Variants in KANTR observed in about 807,000 individuals in gnomAD.
The protein encoded by KANTR is KANTR integral membrane protein, also known as KDM5C adjacent transcript.
intron 2 of KANTR, among the ~76,000 whole-genome samples, chrX:53,114,195 G>A (rs1288062819): frequency 2.7e-5 from 3 of 110,840 alleles, no homozygotes; most frequent in Admixed American, 9.5e-5. Flanking sequence ...GTGAGCCACC[G>A]CACCAGGTTA....
At chrX:53,143,940 G>A (rs893771918), downstream of KANTR, 1 of 324,928 alleles carries the variant, frequency 3.1e-6, no homozygotes, top group Non-Finnish European at 5.7e-6. Flanking sequence ...GCAGGGCGGT[G>A]GAGCCATGGG....
intron 2 of KANTR, among the ~76,000 whole-genome samples, chrX:53,104,373 CA>C (rs1932921770): frequency 1.8e-5 from 2 of 109,883 alleles, no homozygotes; most frequent in Non-Finnish European, 3.8e-5. Flanking sequence ...ATTACAGGCG[CA>C]CACCACCATG....
chrX:53,106,003 G>A (rs781875535), intron 2 of KANTR, among the ~76,000 whole-genome samples: 2 of 104,664 alleles, frequency 1.9e-5, no homozygotes, highest in Non-Finnish European at 3.9e-5. Context: ...GACTACAGGC[G>A]CCCGCCACCA....
intron 2 of KANTR, among the ~76,000 whole-genome samples, chrX:53,107,302 C>CTTTTTTTTTTTTTTTT (rs139264757): frequency 4.9e-5 from 3 of 61,656 alleles, no homozygotes; most frequent in Admixed American, 2.6e-4. Flanking sequence ...ATCCTCTTTG[C>CTTTTTTTTTTTTTTTT]TTTTTTTTTT....
chrX:53,104,945 C>T (rs910501294), intron 2 of KANTR, among the ~76,000 whole-genome samples: 6 of 109,986 alleles, frequency 5.5e-5, no homozygotes, highest in Non-Finnish European at 1.1e-4. Context: ...AATGCAGTGT[C>T]CCAATCTTGG....
At chrX:53,094,562 G>A (rs1425401767) in intron 1 of KANTR, 1 of 111,687 alleles carries the variant, frequency 9.0e-6, no homozygotes, top group Non-Finnish European at 1.9e-5. Context: ...ACGGTTCCAT[G>A]CAGGTCTGCC....
intron 2 of KANTR, among the ~76,000 whole-genome samples, chrX:53,115,303 C>T (rs1933105819): frequency 8.9e-6 from 1 of 112,346 alleles, no homozygotes; most frequent in Admixed American, 9.3e-5. Flanking sequence ...CAAGGTCTTG[C>T]TGGATGCTGG....
chrX:53,101,024 G>A (rs1556811760), intron 2 of KANTR, among the ~76,000 whole-genome samples: 1 of 112,019 alleles, frequency 8.9e-6, no homozygotes, highest in Admixed American at 9.5e-5. Flanking sequence ...ATTGAAGAGA[G>A]TTAGGGCCTT....
chrX:53,126,100 A>G (rs1469584496), exon 3 of KANTR: 3 of 110,504 alleles, frequency 2.7e-5, no homozygotes, highest in African/African-American at 9.9e-5. Context: ...TAGTAGTAGT[A>G]GTAGTAGTGG....
At chrX:53,131,807 C>A (rs1309045051), downstream of KANTR, among the ~76,000 whole-genome samples, 4 of 111,854 alleles carry the variant, frequency 3.6e-5, no homozygotes, top group Non-Finnish European at 7.5e-5. Flanking sequence ...AAGCAAAAGG[C>A]ATCCAAATTG....
exon 3 of KANTR, chrX:53,125,927 T>C (rs1933288027): frequency 9.1e-6 from 1 of 110,496 alleles, no homozygotes; most frequent in African/African-American, 3.3e-5. Flanking sequence ...GTCTTTCTTA[T>C]ATGTAAATGT....
downstream of KANTR, among the ~76,000 whole-genome samples, chrX:53,147,393 G>A (rs968960005): frequency 9.0e-6 from 1 of 111,364 alleles, no homozygotes; most frequent in Non-Finnish European, 1.9e-5. Context: ...AATGGTGAAG[G>A]GATCAGTTCA....
At chrX:53,136,392 C>T (rs1232548259) in intron 2 of KANTR, among the ~76,000 whole-genome samples, 2 of 107,431 alleles carry the variant, frequency 1.9e-5, no homozygotes, top group African/African-American at 6.7e-5. Flanking sequence ...GTGTAAACTA[C>T]CACGCCTGGC....
chrX:53,098,883 G>A (rs184041347), intron 1 of KANTR, among the ~76,000 whole-genome samples: 26 of 110,712 alleles, frequency 2.3e-4, no homozygotes, highest in African/African-American at 8.2e-4. Context: ...ATGCCACCAC[G>A]CCCAGCCAAT....
At chrX:53,136,868 C>T (rs1354532738) in intron 2 of KANTR, among the ~76,000 whole-genome samples, 1 of 102,060 alleles carries the variant, frequency 9.8e-6, no homozygotes, top group Non-Finnish European at 2.0e-5. Context: ...CTCAGCCTCC[C>T]GAGTAGCTAG....
intron 2 of KANTR, among the ~76,000 whole-genome samples, chrX:53,104,278 G>A (rs782464349): frequency 9.1e-6 from 1 of 110,276 alleles, no homozygotes; most frequent in South Asian, 3.9e-4. Flanking sequence ...CCAAGCTGGA[G>A]TGCAGTGGTA....
chrX:53,136,235 T>TTTTG lies in KANTR; in HGVS notation n.204-5596_204-5593dup, dbSNP rs201565988. Among the ~76,000 whole-genome samples the TTTTG allele has an allele frequency of 4.9e-3, 545 of 111,157 alleles. 2 individuals are homozygous for TTTTG. The highest frequency in any genetic ancestry group is 6.1e-3 in the African/African-American group (186 of 30,632). On this transcript the variant is annotated intron_variant and non_coding_transcript_variant, in intron 2 of 2. Coordinates refer to the KANTR transcript ENST00000366185. ...CATCAGCAACAGAGAGTTTGTTTCT[T>TTTTG]TTTGTTTGTTTGTTTGTTTGAGACG...
chrX:53,107,676 C>A (rs1413983290), intron 2 of KANTR, among the ~76,000 whole-genome samples: 2 of 109,237 alleles, frequency 1.8e-5, no homozygotes. Context: ...TTTGATACTA[C>A]TTTAAAATGG....
At chrX:53,140,993 C>G (rs1933494995) in intron 2 of KANTR, among the ~76,000 whole-genome samples, 1 of 110,880 alleles carries the variant, frequency 9.0e-6, no homozygotes, top group Non-Finnish European at 1.9e-5. Context: ...GAAGCCCCGT[C>G]TCTACTAAAA....
Sources: allele counts gnomAD v4.1 joint callset (sites outside exome capture counted in the v4.1 genomes callset), GRCh38; gene constraint gnomAD v4.1.1; transcripts MANE v1.5; gene names NCBI Gene and HGNC (gene_info 2026-07-23, HGNC 2026-07-21).